KCNK13: variants seen among roughly 807,000 people sequenced by gnomAD.
KCNK13 encodes potassium two pore domain channel subfamily K member 13, also known as potassium channel subfamily K member 13.
In KCNK13, 12 loss-of-function variants were observed where a neutral mutation model predicts 23.4. The ratio of observed to expected loss-of-function variants is 0.51; its 90% confidence interval spans 0.33 to 0.83. The LOEUF (loss-of-function observed/expected upper bound fraction) is 0.83. Among genes scored for constraint, KCNK13 ranks in the 40% least tolerant of loss-of-function variants. The pLI, the probability that KCNK13 is intolerant of heterozygous loss-of-function variation, is 0.02. For missense variants in KCNK13, 463 were observed against 556.3 expected (o/e 0.83, Z 1.69); for synonymous variants, 231 against 229.5 (o/e 1.01, Z -0.06).
intron 1 of KCNK13, among the ~76,000 whole-genome samples, chr14:90,076,490 T>C (rs374135111): frequency 8.7e-4 from 133 of 152,336 alleles, no homozygotes; most frequent in African/African-American, 3.0e-3. Flanking sequence ...CAATAACTCA[T>C]TGGCGTGAAC....
chr14:90,097,561 G>C lies in KCNK13; in HGVS notation c.334+35022G>C, dbSNP rs556888190. 3.9e-5 allele frequency among the ~76,000 whole-genome samples: 6 copies of C among 152,268 alleles called. No individual in the cohort carries two copies. The South Asian group carries it at 1.2e-3, about 32-fold the overall frequency. The stretch of plus-strand genomic sequence containing the variant: ...GGGATCAAATTTCAGCATGAATTTT[G>C]GTGGGGACATATTCAAACCATAGCC... On this transcript the variant is annotated intron_variant, in intron 1 of 1. Transcript: ENST00000282146.
At chr14:90,182,990 T>C (rs1890505381) in intron 1 of KCNK13, among the ~76,000 whole-genome samples, 1 of 152,206 alleles carries the variant, frequency 6.6e-6, no homozygotes, top group Non-Finnish European at 1.5e-5. Context: ...CTGAATCATT[T>C]GCTTGGAAAG....
At chr14:90,094,960 T>G (rs1889394540) in intron 1 of KCNK13, among the ~76,000 whole-genome samples, 1 of 152,226 alleles carries the variant, frequency 6.6e-6, no homozygotes, top group African/African-American at 2.4e-5. Flanking sequence ...CAGGGACTTT[T>G]CTAAGAATTA....
At chr14:90,159,561 ACC>A in intron 1 of KCNK13, among the ~76,000 whole-genome samples, 1 of 152,148 alleles carries the variant, frequency 6.6e-6, no homozygotes, top group Non-Finnish European at 1.5e-5. Flanking sequence ...ACAATGGAAG[ACC>A]CAATTAACAG....
chr14:90,062,340 C>T lies in KCNK13; in HGVS notation c.135C>T (p.His45=), dbSNP rs926455987. ...AAVFSALELA[H]ERQAKQRWEE... is the part of the protein sequence containing the mutation. Reference sequence around the variant, plus strand: ...TCTTCTCCGCGCTGGAGCTGGCGCACGAGCGCCAGGCCAAGCAGCGCTGGG... The same window carrying T: ...TCTTCTCCGCGCTGGAGCTGGCGCATGAGCGCCAGGCCAAGCAGCGCTGGG... The change falls in exon 1 of 2, where the codon CAC becomes CAT. Residue 45 remains histidine (H), a synonymous_variant. Coordinates refer to ENST00000282146, the MANE Select transcript of KCNK13 (RefSeq NM_022054.4). The surrounding 1 kb of genome is among the most constrained non-coding windows in gnomAD (Gnocchi z 4.5). 6 of 1,555,380 alleles carry T rather than the reference C, an allele frequency of 3.9e-6. No individual in the cohort carries two copies. Among genetic ancestry groups the T allele is most frequent in the East Asian group, 2.4e-5 (1 of 41,506 alleles).
intron 1 of KCNK13, among the ~76,000 whole-genome samples, chr14:90,105,446 A>G (rs1314775277): frequency 6.6e-6 from 1 of 152,154 alleles, no homozygotes; most frequent in East Asian, 1.9e-4. Context: ...AATATACAGG[A>G]TAAATCAAGT....
At position 90,184,300 on chromosome 14, in the gene KCNK13, G is replaced by C. The variant is rs375929385; in HGVS notation, c.524G>C (p.Ser175Thr). Residue 175 changes from serine (S) to threonine (T), a missense_variant, in exon 2 of 2, where the codon AGC (serine) becomes ACC (threonine). Ser to Thr is a moderately conservative substitution (Grantham distance 58). Coordinates refer to ENST00000282146, the MANE Select transcript of KCNK13 (RefSeq NM_022054.4). The surrounding 1 kb of genome is among the most constrained non-coding windows in gnomAD (Gnocchi z 5.6). ...AGACGAGGGGCCCTGCCCCAGGAGA[G>C]CCTGAAGGATGCGGGGCAGTGTGAG... ...LRRRGALPQE[S>T]LKDAGQCEVD... 6.2e-7 allele frequency: 1 copy of C among 1,614,254 alleles called. No individual in the cohort carries two copies. Among genetic ancestry groups the C allele is most frequent in the Non-Finnish European group, 8.5e-7 (1 of 1,180,042 alleles).
intron 1 of KCNK13, among the ~76,000 whole-genome samples, chr14:90,165,133 C>T (rs1442437802): frequency 6.6e-6 from 1 of 152,168 alleles, no homozygotes; most frequent in Admixed American, 6.5e-5. Context: ...GAGACTTATT[C>T]ACTATCACAA....
At chr14:90,172,547 T>C (rs1015498752) in intron 1 of KCNK13, among the ~76,000 whole-genome samples, 8 of 152,172 alleles carry the variant, frequency 5.3e-5, no homozygotes, top group African/African-American at 1.9e-4. Context: ...AACATGAGCA[T>C]GTTCTGGTGT....
At chr14:90,063,938 C>T (rs556841968) in intron 1 of KCNK13, among the ~76,000 whole-genome samples, 1 of 152,308 alleles carries the variant, frequency 6.6e-6, no homozygotes, top group African/African-American at 2.4e-5. Context: ...CCAGATGGTG[C>T]GGCCCATCAG....
At chr14:90,064,359 A>T (rs943693393) in intron 1 of KCNK13, among the ~76,000 whole-genome samples, 4 of 152,104 alleles carry the variant, frequency 2.6e-5, no homozygotes, top group Non-Finnish European at 5.9e-5. Context: ...CAGAGGCAGG[A>T]AGGAGCAGAG....
chr14:90,101,810 A>AAAAAAAAAAAAAAAAAAAAAC (rs1465117776), intron 1 of KCNK13, among the ~76,000 whole-genome samples: 1 of 149,316 alleles, frequency 6.7e-6, no homozygotes, highest in African/African-American at 2.5e-5. Context: ...AAAAAAAAAA[A>AAAAAAAAAAAAAAAAAAAAAC]AACCTCACAA....
chr14:90,096,632 A>C (rs1291228739), intron 1 of KCNK13, among the ~76,000 whole-genome samples: 1 of 152,164 alleles, frequency 6.6e-6, no homozygotes, highest in African/African-American at 2.4e-5. Context: ...GCTCAAGACA[A>C]ATTGTTGATT....
At chr14:90,071,084 G>A (rs1484246578) in intron 1 of KCNK13, among the ~76,000 whole-genome samples, 5 of 152,164 alleles carry the variant, frequency 3.3e-5, no homozygotes, top group Non-Finnish European at 7.4e-5. Flanking sequence ...CATTGCATTA[G>A]AAATTCTTGT....
At chr14:90,172,846 A>T (rs773395174) in intron 1 of KCNK13, among the ~76,000 whole-genome samples, 8 of 152,218 alleles carry the variant, frequency 5.3e-5, no homozygotes, top group Non-Finnish European at 1.5e-5. Flanking sequence ...TAGGGTAAAA[A>T]AAAAGCTAGA....
chr14:90,180,799 C>A (rs575461413), intron 1 of KCNK13, among the ~76,000 whole-genome samples: 1 of 152,268 alleles, frequency 6.6e-6, no homozygotes, highest in Non-Finnish European at 1.5e-5. Context: ...TGCATTTGGG[C>A]CCCTAAACCC....
chr14:90,183,903 C>T (rs750049488), intron 1 of KCNK13, among the ~76,000 whole-genome samples: 1 of 152,160 alleles, frequency 6.6e-6, no homozygotes, highest in Admixed American at 6.5e-5. Flanking sequence ...CACAATAGCA[C>T]CACACAGGCT....
At chr14:90,095,024 T>C (rs925879851) in intron 1 of KCNK13, among the ~76,000 whole-genome samples, 2 of 152,212 alleles carry the variant, frequency 1.3e-5, no homozygotes, top group African/African-American at 4.8e-5. Context: ...CTTAACCATT[T>C]TGGTGAAAGC....
chr14:90,120,630 C>T (rs1027212905), intron 1 of KCNK13, among the ~76,000 whole-genome samples: 4 of 152,120 alleles, frequency 2.6e-5, no homozygotes, highest in African/African-American at 9.7e-5. Context: ...GGGCAACTGC[C>T]CCGCATGATT....
Sources: gnomAD v4.1 joint callset for allele counts (sites outside exome capture counted in the v4.1 genomes callset) on GRCh38, gnomAD v4.1.1 for gene constraint, Gnocchi (gnomAD v3.1) non-coding constraint, MANE v1.5 for transcripts, NCBI Gene and HGNC (gene_info 2026-07-23, HGNC 2026-07-21) for gene names.